The following NPAS2 variants were observed in gnomAD, a reference collection of about 807,000 sequenced individuals.
NPAS2 encodes the protein neuronal PAS domain protein 2.
Under a neutral mutation model 107.5 loss-of-function variants are expected in NPAS2, and 23 were observed. The observed-to-expected ratio is 0.21, with a 90% CI of 0.15 to 0.30. The LOEUF (loss-of-function observed/expected upper bound fraction) is 0.30. NPAS2 is among the 10% of genes least tolerant of loss of function. NPAS2 has a pLI of 1.00. For missense variants in NPAS2, 756 were observed against 1,043.3 expected, an observed-to-expected ratio of 0.72 and a Z score of 3.79; for synonymous variants, 403 against 417.5, an observed-to-expected ratio of 0.97 and a Z score of 0.42.
chr2:100,959,012 C>A (rs1992769), intron 7 of NPAS2, among the ~76,000 whole-genome samples: 78,927 of 150,182 alleles, frequency 0.53, 21,511 homozygotes, highest in African/African-American at 0.66. Context: ...CTGTAATCCC[C>A]GCACTTTGAG....
chr2:100,993,845 C>T (rs1431946175), intron 20 of NPAS2: 2 of 288,802 alleles, frequency 6.9e-6, no homozygotes, highest in East Asian at 1.2e-4. Context: ...GAGCAAAAGT[C>T]GAAAAACATT....
intron 2 of NPAS2, among the ~76,000 whole-genome samples, chr2:100,921,611 A>G (rs544791820): frequency 8.5e-5 from 13 of 152,332 alleles, no homozygotes; most frequent in African/African-American, 3.1e-4. Context: ...TAGGCAGAAG[A>G]TTTGAACAAA....
At chr2:100,821,660 C>T (rs1252487379) in intron 1 of NPAS2, among the ~76,000 whole-genome samples, 1 of 152,146 alleles carries the variant, frequency 6.6e-6, no homozygotes, top group Non-Finnish European at 1.5e-5. Context: ...TAGCTTGGTC[C>T]CCATCAGTGA....
chr2:100,822,981 C>T (rs940933048), intron 1 of NPAS2, among the ~76,000 whole-genome samples: 1 of 152,084 alleles, frequency 6.6e-6, no homozygotes, highest in African/African-American at 2.4e-5. Flanking sequence ...GTTCCTGATC[C>T]TCGTTCTATT....
intron 19 of NPAS2, among the ~76,000 whole-genome samples, chr2:100,991,174 C>T (rs1678105980): frequency 6.6e-6 from 1 of 152,182 alleles, no homozygotes. Context: ...AGCCCTCACC[C>T]CTGGAGACAT....
chr2:100,977,727 A>G lies in NPAS2; in HGVS notation c.1410A>G (p.Pro470=), dbSNP rs1677113511. 4 of 1,614,152 alleles carry G rather than the reference A, an allele frequency of 2.5e-6. No homozygotes were observed. Among genetic ancestry groups the G allele is most frequent in the Non-Finnish European group, 1.7e-6 (2 of 1,180,014 alleles). ...AATMPAPLPS[P]SSCDLTQQLL... ...TCCCACAGGCCCCTCTGCCTTCCCC[A>G]TCGTCCTGCGACCTCACACAGCAGC... The change falls in exon 15 of 21, where the codon CCA becomes CCG. Residue 470 remains proline, a synonymous_variant. Coordinates refer to ENST00000335681, the MANE Select transcript of NPAS2 (RefSeq NM_002518.4).
At chr2:100,948,885 G>A (rs1219588477) in intron 6 of NPAS2, among the ~76,000 whole-genome samples, 2 of 152,154 alleles carry the variant, frequency 1.3e-5, no homozygotes, top group Non-Finnish European at 2.9e-5. Context: ...TTGATGCCTC[G>A]TGAACCACGG....
At chr2:100,987,928 A>G (rs183485090) in intron 16 of NPAS2, 151 bp from the exon 17 acceptor site, 3 of 804,066 alleles carry the variant, frequency 3.7e-6, no homozygotes, top group African/African-American at 3.4e-5. Context: ...GGGGCATCAC[A>G]GGTGCTCCAT....
chr2:100,979,528 T>TTTTTTC (rs1677299824), intron 15 of NPAS2, among the ~76,000 whole-genome samples: 1 of 107,860 alleles, frequency 9.3e-6, no homozygotes, highest in African/African-American at 3.7e-5. Flanking sequence ...TTTTTTTTTT[T>TTTTTTC]CTGAGACGGA....
chr2:100,963,139 C>T, intron 7 of NPAS2, among the ~76,000 whole-genome samples: 1 of 152,252 alleles, frequency 6.6e-6, no homozygotes. Context: ...TGAGCCCTGT[C>T]TCCTCAGTGG....
In NPAS2 at chr2:100,976,675, T is replaced by C. The variant is rs1677031888; in HGVS notation, c.1393-1035T>C. 1 of 152,080 alleles carries C rather than the reference T, an allele frequency of 6.6e-6. No individual in the cohort carries two copies. Among genetic ancestry groups the C allele is most frequent in the Non-Finnish European group, 1.5e-5 (1 of 68,044 alleles). The allele number at this position is 152,080 out of a possible 1,614,324, so 9.4% of individuals were successfully genotyped here. A position where few individuals can be genotyped will look rare whatever the true frequency, so the allele number is the denominator to read the frequency against. ...CACCCTGCTTGAGAAGCTTGGGCGA[T>C]GCGTTTTATTTTCAAGTAGAATGTG... On this transcript the variant is annotated intron_variant, in intron 14 of 20. Transcript: ENST00000335681. The surrounding 1 kb of genome is among the most constrained non-coding windows in gnomAD (Gnocchi z 4.1).
Position 100,906,342 on chromosome 2 carries a change from A to G in NPAS2, c.32+1556A>G, listed in dbSNP as rs531975707. 4.6e-5 allele frequency among the ~76,000 whole-genome samples: 7 copies of G among 152,238 alleles called. No individual in the cohort carries two copies. In the East Asian group the frequency reaches 1.4e-3, roughly 29 times the overall value. ...TTGGTTTCCTCCAGCATAGCTATGG[A>G]TGGAGCGCTGGAGACAGATGTGAGC... is the stretch of plus-strand genomic sequence containing the variant. On this transcript the variant is annotated intron_variant, in intron 2 of 20. Coordinates refer to ENST00000335681, the MANE Select transcript of NPAS2 (RefSeq NM_002518.4).
chr2:100,894,434 CTT>C (rs1294072050), intron 1 of NPAS2, among the ~76,000 whole-genome samples: 1 of 152,130 alleles, frequency 6.6e-6, no homozygotes, highest in Non-Finnish European at 1.5e-5. Context: ...CAAGGTCAGA[CTT>C]TTATTGACGT....
chr2:100,965,722 A>G lies in NPAS2; in HGVS notation c.863A>G (p.Tyr288Cys), dbSNP rs1383226391. 2 of 1,614,016 alleles carry G rather than the reference A, an allele frequency of 1.2e-6. No individual in the cohort carries two copies. The highest frequency in any genetic ancestry group is 1.1e-5 in the South Asian group (1 of 91,048). The stretch of plus-strand genomic sequence containing the variant: ...CTGGGAACCTCAGGCTATGACTACT[A>G]CCACATTGATGACCTGGAGCTCCTG... The part of the protein sequence containing the change: ...EVLGTSGYDY[Y>C]HIDDLELLAR... The change falls in exon 10 of 21, where the codon TAC becomes TGC. Residue 288 changes from tyrosine to cysteine, a missense_variant. Transcript: ENST00000335681. The surrounding 1 kb of genome is among the most constrained non-coding windows in gnomAD (Gnocchi z 4.3).
At chr2:100,995,113 C>T (rs761604147) in intron 20 of NPAS2, 57 of 409,308 alleles carry the variant, frequency 1.4e-4, no homozygotes, top group Non-Finnish European at 2.2e-4. Context: ...CACGTGTTTA[C>T]GAAACCATTC....
At chr2:100,887,226 T>C (rs1680751805) in intron 1 of NPAS2, among the ~76,000 whole-genome samples, 1 of 152,182 alleles carries the variant, frequency 6.6e-6, no homozygotes, top group Non-Finnish European at 1.5e-5. Flanking sequence ...GTAGAGCACC[T>C]GAGACTCAGG....
intron 1 of NPAS2, among the ~76,000 whole-genome samples, chr2:100,844,843 C>T (rs182269906): frequency 2.9e-4 from 44 of 152,198 alleles, no homozygotes; most frequent in South Asian, 2.3e-3. Context: ...TTGCCACTTT[C>T]GTTAGAGAAG....
intron 3 of NPAS2, among the ~76,000 whole-genome samples, chr2:100,931,248 C>T (rs1019669265): frequency 3.9e-5 from 6 of 152,106 alleles, no homozygotes; most frequent in Non-Finnish European, 5.9e-5. Context: ...GGTTTCCTCT[C>T]CTGGGTTTCT....
chr2:100,893,405 T>C (rs1558847605), intron 1 of NPAS2, among the ~76,000 whole-genome samples: 3 of 152,242 alleles, frequency 2.0e-5, no homozygotes. Context: ...TTTTTTCTTT[T>C]GATTAAATTC....
Sources: allele counts gnomAD v4.1 joint callset (sites outside exome capture counted in the v4.1 genomes callset), GRCh38; gene constraint gnomAD v4.1.1; non-coding constraint Gnocchi (gnomAD v3.1); transcripts MANE v1.5; gene names NCBI Gene and HGNC (gene_info 2026-07-23, HGNC 2026-07-21).